The following ZNF43 variants were observed in gnomAD, a reference collection of about 807,000 sequenced individuals.
The protein encoded by ZNF43 is zinc finger protein 43, also known as zinc finger protein 39-like 1 (KOX 27).
In ZNF43, 44 loss-of-function variants were observed where a neutral mutation model predicts 68.4. The ratio of observed to expected loss-of-function variants is 0.64; its 90% CI spans 0.51 to 0.83. ZNF43 has a LOEUF of 0.83. Ranked by LOEUF, ZNF43 falls within the 40% of genes least tolerant of loss-of-function variation. The pLI is 0.00. For missense variants in ZNF43, 896 were observed against 933.2 expected, an observed-to-expected ratio of 0.96 and a Z score of 0.52; for synonymous variants, 308 against 307.8, an observed-to-expected ratio of 1.00 and a Z score of -0.01.
chr19:21,852,048 C>A, exon 1 of ZNF43: 3 of 1,182,666 alleles, frequency 2.5e-6, no homozygotes, highest in South Asian at 1.5e-5. Flanking sequence ...GTCCCAAGGT[C>A]TAGCGGGAGC....
intron 1 of ZNF43, among the ~76,000 whole-genome samples, chr19:21,835,249 C>CAAAAAAAAAAAAAAAA (rs377486360): frequency 2.4e-5 from 2 of 82,572 alleles, no homozygotes; most frequent in African/African-American, 8.2e-5. Flanking sequence ...AAGTCCATCT[C>CAAAAAAAAAAAAAAAA]AAAAAAAAAA....
In ZNF43 at chr19:21,809,640, C is replaced by T. The variant is rs1383468841; in HGVS notation, c.397G>A (p.Gly133Arg). 4.3e-6 allele frequency: 7 copies of T among 1,612,188 alleles called. No homozygotes were observed. The highest frequency in any genetic ancestry group is 5.9e-6 in the Non-Finnish European group (7 of 1,179,334). Residue 133 changes from glycine to arginine, a missense_variant, in exon 4 of 4, where the codon GGA becomes AGA. Coordinates refer to ENST00000354959, the MANE Select transcript of ZNF43 (RefSeq NM_003423.4). ...ECKVHRGGYN[G>R]FNQCLPATQS... is the part of the protein sequence containing the mutation. ...GTAGCTGGCAAACATTGGTTAAATCCATTATAACCTCCTCTGTGCACCTTA... is the reference window on the plus strand; with the variant it reads ...GTAGCTGGCAAACATTGGTTAAATCTATTATAACCTCCTCTGTGCACCTTA...
chr19:21,830,279 GA>G (rs57980495), intron 1 of ZNF43, among the ~76,000 whole-genome samples: 42,948 of 133,854 alleles, frequency 0.32, 7,862 homozygotes, highest in African/African-American at 0.55. Flanking sequence ...AAAACAAAAT[GA>G]AAAAAAAAAA....
At chr19:21,816,047 C>T (rs567649235) in intron 3 of ZNF43, among the ~76,000 whole-genome samples, 28 of 148,372 alleles carry the variant, frequency 1.9e-4, no homozygotes, top group Non-Finnish European at 3.0e-4. Context: ...GGCAACAGAG[C>T]GAGACTCTGA....
chr19:21,833,434 A>T lies in ZNF43; in HGVS notation c.3+2602T>A, dbSNP rs1054758559. 4.0e-5 allele frequency among the ~76,000 whole-genome samples: 6 copies of T among 151,592 alleles called. No homozygotes were observed. In the East Asian group the frequency reaches 1.2e-3, roughly 30 times the overall value. ...AGGCGCCTGCCCCTGCACCCAGCTA[A>T]TTTTTTTGTATTTTTAGTTGAGACG... On this transcript the variant is annotated intron_variant, in intron 1 of 3. Coordinates refer to ENST00000354959, the MANE Select transcript of ZNF43 (RefSeq NM_003423.4).
upstream of ZNF43, among the ~76,000 whole-genome samples, chr19:21,836,761 ATATTTT>A (rs1307555668): frequency 1.3e-5 from 2 of 152,034 alleles, no homozygotes; most frequent in Non-Finnish European, 2.9e-5. Flanking sequence ...ATTTGTTATC[ATATTTT>A]TATTTGTAGA....
chr19:21,844,318 C>T (rs922917900), intron 1 of ZNF43, among the ~76,000 whole-genome samples: 2 of 135,638 alleles, frequency 1.5e-5, no homozygotes, highest in Non-Finnish European at 3.0e-5. Context: ...CACTGTACTC[C>T]AGCCTGAGTG....
intron 1 of ZNF43, chr19:21,843,009 G>C (rs1290690021): frequency 6.6e-6 from 1 of 152,102 alleles, no homozygotes; most frequent in Non-Finnish European, 1.5e-5. Flanking sequence ...ACATTAAATA[G>C]ATGGGTCCAG....
At chr19:21,811,195 AT>A (rs1382558489) in intron 3 of ZNF43, among the ~76,000 whole-genome samples, 1 of 152,190 alleles carries the variant, frequency 6.6e-6, no homozygotes, top group Non-Finnish European at 1.5e-5. Flanking sequence ...CAATGGTACA[AT>A]TTTTCACAGA....
intron 1 of ZNF43, among the ~76,000 whole-genome samples, chr19:21,834,037 C>CG (rs914530998): frequency 2.7e-5 from 4 of 148,906 alleles, no homozygotes; most frequent in Non-Finnish European, 4.5e-5. Flanking sequence ...TAAGGCGGGG[C>CG]GGGGGAAAAA....
At chr19:21,840,597 T>A (rs1018469660), upstream of ZNF43, 6 of 152,068 alleles carry the variant, frequency 3.9e-5, no homozygotes, top group Admixed American at 3.9e-4. Flanking sequence ...CGTTTGAGAG[T>A]CAATTTTCCA....
chr19:21,846,258 C>A (rs141337054), intron 1 of ZNF43, among the ~76,000 whole-genome samples: 1,593 of 152,246 alleles, frequency 0.01, 15 homozygotes, highest in Non-Finnish European at 0.017. Flanking sequence ...CGATATCTCA[C>A]ATTTCTTACT....
chr19:21,840,792 G>C (rs139801790), upstream of ZNF43: 1 of 152,244 alleles, frequency 6.6e-6, no homozygotes, highest in Non-Finnish European at 1.5e-5. Context: ...GTCACAATTT[G>C]CTCTGAGACT....
Position 21,815,282 on chromosome 19 carries a change from A to G in ZNF43, c.229+2606T>C, listed in dbSNP as rs1010418460. Reference sequence around the variant, plus strand: ...AATATTTGTAACTTTGTACTTCTGCATCATTGGCATGAACTGTACAGCAGT... The same window carrying G: ...AATATTTGTAACTTTGTACTTCTGCGTCATTGGCATGAACTGTACAGCAGT... On this transcript the variant is annotated intron_variant, in intron 3 of 3. Transcript: ENST00000354959. 5.9e-5 allele frequency among the ~76,000 whole-genome samples: 9 copies of G among 152,238 alleles called. No individual in the cohort carries two copies. In the South Asian group the frequency reaches 1.7e-3, roughly 28 times the overall value.
intron 1 of ZNF43, among the ~76,000 whole-genome samples, chr19:21,828,430 T>G (rs2038242790): frequency 6.7e-6 from 1 of 149,686 alleles, no homozygotes; most frequent in East Asian, 2.0e-4. Flanking sequence ...ATACAAAAAA[T>G]TAGGCCAGGC....
At chr19:21,836,340 AAG>A, upstream of ZNF43, 2 of 1,042,872 alleles carry the variant, frequency 1.9e-6, no homozygotes, top group Non-Finnish European at 1.2e-6. Flanking sequence ...TGAAAGAAGA[AAG>A]AATGACAGCC....
At position 21,809,839 on chromosome 19, in the gene ZNF43, C is replaced by T. The variant is rs375927252; in HGVS notation, c.230-32G>A. The stretch of plus-strand genomic sequence containing the variant: ...AAAATAAAAATAACAAATTATTCCA[C>T]TTGCTAGACTCAGAGATAAATATAC... On this transcript the variant is annotated intron_variant, in intron 3 of 3. Coordinates refer to ENST00000354959, the MANE Select transcript of ZNF43 (RefSeq NM_003423.4). 1.5e-5 allele frequency: 23 copies of T among 1,486,258 alleles called. No homozygotes were observed. The African/African-American group carries it at 2.8e-4, about 18-fold the overall frequency. 92.1% of individuals were successfully genotyped at this position (1,486,258 alleles called of 1,614,324 possible).
At chr19:21,847,114 G>C (rs547113254) in intron 1 of ZNF43, among the ~76,000 whole-genome samples, 2 of 152,168 alleles carry the variant, frequency 1.3e-5, no homozygotes, top group South Asian at 4.2e-4. Flanking sequence ...CTGTAATAAA[G>C]ACCCATGCAG....
At chr19:21,836,294 C>T (rs2038733564), upstream of ZNF43, 1 of 1,254,420 alleles carries the variant, frequency 8.0e-7, no homozygotes, top group Admixed American at 3.4e-5. Context: ...CCTGCCCCCG[C>T]AAACCCTGAA....
Sources: gnomAD v4.1 joint callset for allele counts (sites outside exome capture counted in the v4.1 genomes callset) on GRCh38, gnomAD v4.1.1 for gene constraint, MANE v1.5 for transcripts, NCBI Gene and HGNC (gene_info 2026-07-23, HGNC 2026-07-21) for gene names.